Variants in ADTRP observed in about 807,000 individuals in gnomAD.
ADTRP encodes the protein androgen-dependent TFPI-regulating protein.
Under a neutral mutation model 27.0 loss-of-function variants are expected in ADTRP, and 20 were observed. That is an observed-to-expected ratio of 0.74 (90% CI 0.52 to 1.08). The LOEUF (loss-of-function observed/expected upper bound fraction) is 1.08, where lower values mean the gene tolerates loss of function less well. Ranked by LOEUF, ADTRP falls within the 50% of genes least tolerant of loss-of-function variation. The pLI is 0.00. For missense variants in ADTRP, 251 were observed against 275.0 expected (o/e 0.91, Z 0.62); for synonymous variants, 101 against 105.2 (o/e 0.96, Z 0.25).
At chr6:11,731,218 C>T (rs947180732) in intron 4 of ADTRP, among the ~76,000 whole-genome samples, 4 of 152,214 alleles carry the variant, frequency 2.6e-5, no homozygotes, top group African/African-American at 9.6e-5. Context: ...AATAACCATA[C>T]ATAAAAACTA....
At chr6:11,751,319 T>C (rs1257714793) in intron 3 of ADTRP, among the ~76,000 whole-genome samples, 1 of 152,240 alleles carries the variant, frequency 6.6e-6, no homozygotes, top group African/African-American at 2.4e-5. Flanking sequence ...ACTTCCAATG[T>C]ATTCCTATAT....
At chr6:11,726,219 G>T (rs1762194225) in intron 4 of ADTRP, among the ~76,000 whole-genome samples, 1 of 152,192 alleles carries the variant, frequency 6.6e-6, no homozygotes, top group Admixed American at 6.5e-5. Context: ...AATGGTGCTT[G>T]CCATGTGGTT....
In ADTRP at chr6:11,752,206, T is replaced by C. The variant is rs1033956994; in HGVS notation, c.390+14068A>G. On this transcript the variant is annotated intron_variant, in intron 3 of 5. Transcript: ENST00000414691. The stretch of plus-strand genomic sequence containing the variant: ...TTTGGGAATTTCCATTACTTTCTTG[T>C]TGGTAAGCCAAGCATTTTAAAAAGA... Among the ~76,000 whole-genome samples, 3 of 152,236 alleles carry C rather than the reference T, an allele frequency of 2.0e-5. No individual in the cohort carries two copies. In the East Asian group the frequency reaches 5.8e-4, roughly 29 times the overall value.
intron 3 of ADTRP, among the ~76,000 whole-genome samples, chr6:11,758,580 G>GGT (rs1554114794): frequency 1.6e-4 from 19 of 118,642 alleles, no homozygotes; most frequent in East Asian, 3.1e-4. Flanking sequence ...TGGGGTGGGG[G>GGT]GGGGGGACGG....
At chr6:11,742,660 T>C (rs1265279323) in intron 3 of ADTRP, among the ~76,000 whole-genome samples, 3 of 152,244 alleles carry the variant, frequency 2.0e-5, no homozygotes, top group Admixed American at 1.3e-4. Context: ...AGCCTCATAG[T>C]GACCTCAACA....
intron 3 of ADTRP, among the ~76,000 whole-genome samples, chr6:11,756,854 T>C (rs549775637): frequency 9.2e-5 from 14 of 152,334 alleles, no homozygotes; most frequent in African/African-American, 3.4e-4. Context: ...CTCAGTTTCC[T>C]CTTCTGCAAG....
At chr6:11,734,850 T>G (rs1287611875) in intron 4 of ADTRP, among the ~76,000 whole-genome samples, 4 of 152,180 alleles carry the variant, frequency 2.6e-5, no homozygotes, top group Admixed American at 6.5e-5. Flanking sequence ...CTGATTAGCT[T>G]CCAATCTGCA....
intron 4 of ADTRP, among the ~76,000 whole-genome samples, chr6:11,728,042 A>G (rs1353695103): frequency 6.6e-6 from 1 of 151,932 alleles, no homozygotes; most frequent in Non-Finnish European, 1.5e-5. Context: ...ATTTCAGCCA[A>G]TGTCAGCCCT....
intron 3 of ADTRP, among the ~76,000 whole-genome samples, chr6:11,752,106 TA>T (rs1404483222): frequency 6.6e-6 from 1 of 152,210 alleles, no homozygotes; most frequent in African/African-American, 2.4e-5. Context: ...TTCTGGGAAA[TA>T]ATCAATGTTT....
At chr6:11,745,170 ATCTC>A (rs56245898) in intron 3 of ADTRP, among the ~76,000 whole-genome samples, 26,450 of 147,640 alleles carry the variant, frequency 0.18, 2,606 homozygotes, top group East Asian at 0.49. Flanking sequence ...GGGTTAGTCA[ATCTC>A]TCTCTCTCTC....
Position 11,766,340 on chromosome 6 carries a change from G to T in ADTRP, c.324C>A (p.Tyr108Ter), listed in dbSNP as rs776661322. 3 of 1,612,726 alleles carry T rather than the reference G, an allele frequency of 1.9e-6. No individual in the cohort carries two copies. The highest frequency in any genetic ancestry group is 1.7e-5 in the Admixed American group (1 of 59,896). ...VFLAFWILFL[Y>*]NRDLIYPKVL... ...CCTTGGGGTAAATGAGATCTCGATT[G>T]TAGAGAAAGAGGATCCAGAATGCCA... The change falls in exon 3 of 6, where the codon TAC (tyrosine) becomes TAA (stop). Residue 108 changes from tyrosine (Y) to a stop codon, truncating the protein, a stop_gained. Coordinates refer to ENST00000414691, the MANE Select transcript of ADTRP (RefSeq NM_032744.4). LOFTEE classifies it high-confidence loss of function.
chr6:11,745,350 C>T (rs1355521951), intron 3 of ADTRP, among the ~76,000 whole-genome samples: 1 of 152,182 alleles, frequency 6.6e-6, no homozygotes, highest in African/African-American at 2.4e-5. Context: ...AGTTCTGCTT[C>T]AGCATTCTAG....
chr6:11,751,615 A>G (rs1318972329), intron 3 of ADTRP, among the ~76,000 whole-genome samples: 1 of 151,028 alleles, frequency 6.6e-6, no homozygotes, highest in Admixed American at 6.6e-5. Context: ...ATTTTGGGGG[A>G]TTTTTTGTAT....
At chr6:11,746,239 T>C (rs955736396) in intron 3 of ADTRP, among the ~76,000 whole-genome samples, 2 of 152,142 alleles carry the variant, frequency 1.3e-5, no homozygotes, top group Non-Finnish European at 2.9e-5. Flanking sequence ...AGACAGAGGT[T>C]TGGGAGCCAT....
intron 3 of ADTRP, chr6:11,736,662 C>A (rs1169413801): frequency 1.3e-5 from 2 of 152,462 alleles, no homozygotes; most frequent in Non-Finnish European, 2.9e-5. Flanking sequence ...CCTCTATGTT[C>A]TTTGCAGCCA....
chr6:11,717,392 T>C (rs750199473), intron 5 of ADTRP: 1 of 1,304,300 alleles, frequency 7.7e-7, no homozygotes, highest in South Asian at 1.2e-5. Context: ...CTAGCCTCCA[T>C]CTTTGCAAGA....
At chr6:11,751,471 T>C (rs1431470025) in intron 3 of ADTRP, among the ~76,000 whole-genome samples, 1 of 152,212 alleles carries the variant, frequency 6.6e-6, no homozygotes, top group African/African-American at 2.4e-5. Context: ...TGTGCTTATT[T>C]AACCTGGTCA....
At chr6:11,768,943 G>A (rs760047735) in intron 1 of ADTRP, among the ~76,000 whole-genome samples, 2 of 151,870 alleles carry the variant, frequency 1.3e-5, no homozygotes, top group Non-Finnish European at 2.9e-5. Flanking sequence ...TCCTTAAATA[G>A]GGCACCTGCA....
chr6:11,761,762 C>T (rs1763396251), intron 3 of ADTRP, among the ~76,000 whole-genome samples: 1 of 152,160 alleles, frequency 6.6e-6, no homozygotes, highest in South Asian at 2.1e-4. Context: ...GGCTCATGAG[C>T]CTCCTAAAAT....
Sources: gnomAD v4.1 joint callset for allele counts (sites outside exome capture counted in the v4.1 genomes callset) on GRCh38, gnomAD v4.1.1 for gene constraint, MANE v1.5 for transcripts, NCBI Gene and HGNC (gene_info 2026-07-23, HGNC 2026-07-21) for gene names.